FAM13A: variants seen among roughly 807,000 people sequenced by gnomAD.
The protein encoded by FAM13A is family with sequence similarity 13 member A, also known as protein FAM13A.
Under a neutral mutation model 129.6 loss-of-function variants are expected in FAM13A, and 76 were observed. The ratio of observed to expected loss-of-function variants is 0.59; its 90% CI spans 0.49 to 0.71. The LOEUF is 0.71. Among genes scored for constraint, FAM13A ranks in the 30% least tolerant of loss-of-function variants. The pLI is 0.00. For missense variants in FAM13A, 1,108 were observed against 1,249.3 expected (o/e 0.89, Z 1.70); for synonymous variants, 443 against 449.9 (o/e 0.98, Z 0.20).
intron 14 of FAM13A, chr4:88,753,656 T>C (rs1743080113): frequency 5.4e-6 from 5 of 933,938 alleles, no homozygotes; most frequent in Non-Finnish European, 6.4e-6. Flanking sequence ...TGTTATTCGA[T>C]AGTCTTATAA....
intron 7 of FAM13A, among the ~76,000 whole-genome samples, chr4:88,839,302 C>T (rs6841272): frequency 0.07 from 10,665 of 152,156 alleles, 530 homozygotes; most frequent in African/African-American, 0.14. Context: ...AGCCTGTTAG[C>T]TATTCCAGAT....
chr4:88,737,181 A>G, intron 21 of FAM13A, among the ~76,000 whole-genome samples: 1 of 152,238 alleles, frequency 6.6e-6, no homozygotes, highest in Non-Finnish European at 1.5e-5. Context: ...ACAAAACCAA[A>G]CAAAATAATC....
At chr4:88,887,784 T>G (rs1030884956) in intron 6 of FAM13A, among the ~76,000 whole-genome samples, 2 of 152,096 alleles carry the variant, frequency 1.3e-5, no homozygotes, top group Non-Finnish European at 2.9e-5. Context: ...CTGCTTGCCT[T>G]GGCCTCCCAA....
At chr4:88,781,655 A>G (rs1210946348) in intron 10 of FAM13A, among the ~76,000 whole-genome samples, 1 of 152,152 alleles carries the variant, frequency 6.6e-6, no homozygotes, top group Non-Finnish European at 1.5e-5. Context: ...GTTTATACAG[A>G]AATTTCCTAT....
chr4:88,878,917 G>A (rs1482409217), intron 6 of FAM13A, among the ~76,000 whole-genome samples: 1 of 152,176 alleles, frequency 6.6e-6, no homozygotes, highest in African/African-American at 2.4e-5. Flanking sequence ...TTGTAGGTAA[G>A]GTGTTAGATT....
chr4:88,920,815 C>T (rs539234079), intron 5 of FAM13A, among the ~76,000 whole-genome samples: 10 of 152,156 alleles, frequency 6.6e-5, no homozygotes, highest in Admixed American at 2.0e-4. Context: ...AAAATTTAGA[C>T]GAATGTATAA....
rs185791148 is a variant in FAM13A at position 88,838,347 on chromosome 4, A to G, written c.1007+12673T>C. Among the ~76,000 whole-genome samples, 1,176 of 152,172 alleles carry G rather than the reference A, an allele frequency of 7.7e-3. 10 individuals are homozygous for G. Among genetic ancestry groups the G allele is most frequent in the South Asian group, 0.053 (257 of 4,830 alleles). On this transcript the variant is annotated intron_variant, in intron 7 of 23. Transcript: ENST00000264344. ...TATGGAAAAGAAGTGCTAAAATAAA[A>G]GTGCCATGAACAAAAATCTTGAAGC...
At chr4:88,744,977 T>A (rs1350258309) in intron 19 of FAM13A, among the ~76,000 whole-genome samples, 1 of 152,162 alleles carries the variant, frequency 6.6e-6, no homozygotes, top group South Asian at 2.1e-4. Context: ...TTCTTAATGA[T>A]AAGAGAGCTA....
intron 6 of FAM13A, among the ~76,000 whole-genome samples, chr4:88,898,092 AT>A (rs1473898312): frequency 1.3e-5 from 2 of 152,188 alleles, no homozygotes; most frequent in Non-Finnish European, 1.5e-5. Flanking sequence ...CATAAATAAC[AT>A]GTTAGAAATG....
At chr4:88,872,743 A>G (rs973188926) in intron 6 of FAM13A, among the ~76,000 whole-genome samples, 2 of 152,208 alleles carry the variant, frequency 1.3e-5, no homozygotes, top group African/African-American at 4.8e-5. Context: ...ACAGAAGATT[A>G]AAAAGGATAT....
At chr4:88,913,084 A>G (rs1438595043) in intron 5 of FAM13A, among the ~76,000 whole-genome samples, 2 of 150,380 alleles carry the variant, frequency 1.3e-5, no homozygotes, top group Non-Finnish European at 3.0e-5. Flanking sequence ...AGGAGGAGGA[A>G]GAAGAAGAAG....
chr4:89,018,552 C>T (rs1766835274), intron 3 of FAM13A, among the ~76,000 whole-genome samples: 1 of 152,108 alleles, frequency 6.6e-6, no homozygotes, highest in Admixed American at 6.5e-5. Context: ...CCATTCTAAG[C>T]AAAAATGCTA....
chr4:88,959,000 C>T (rs1381878107), intron 4 of FAM13A, among the ~76,000 whole-genome samples: 1 of 152,210 alleles, frequency 6.6e-6, no homozygotes, highest in Non-Finnish European at 1.5e-5. Context: ...GACTGCCCTG[C>T]TGCATTTCAC....
intron 1 of FAM13A, among the ~76,000 whole-genome samples, chr4:89,037,471 A>G (rs375699680): frequency 4.0e-5 from 6 of 151,622 alleles, no homozygotes; most frequent in African/African-American, 1.4e-4. Context: ...ACTTGGTAAA[A>G]AAAACAACAA....
At chr4:88,839,500 G>A (rs1030598336) in intron 7 of FAM13A, among the ~76,000 whole-genome samples, 2 of 152,172 alleles carry the variant, frequency 1.3e-5, no homozygotes, top group African/African-American at 4.8e-5. Flanking sequence ...GTAAATTAGG[G>A]GTGTAAATTA....
intron 7 of FAM13A, among the ~76,000 whole-genome samples, chr4:88,818,802 A>G (rs1731315215): frequency 6.6e-6 from 1 of 152,172 alleles, no homozygotes; most frequent in African/African-American, 2.4e-5. Flanking sequence ...GGAAAAACAG[A>G]GACTTCTAGA....
chr4:88,874,055 A>G (rs1741929456), intron 6 of FAM13A, among the ~76,000 whole-genome samples: 1 of 152,218 alleles, frequency 6.6e-6, no homozygotes, highest in African/African-American at 2.4e-5. Flanking sequence ...TTATCTCAAT[A>G]GATGCAGAAA....
intron 4 of FAM13A, among the ~76,000 whole-genome samples, chr4:88,973,443 C>G (rs1032256106): frequency 3.9e-5 from 6 of 152,048 alleles, no homozygotes; most frequent in African/African-American, 1.2e-4. Flanking sequence ...ACTAATGAGC[C>G]CTTTAAATGC....
intron 6 of FAM13A, among the ~76,000 whole-genome samples, chr4:88,858,354 T>C (rs1192562821): frequency 1.3e-5 from 2 of 152,242 alleles, no homozygotes; most frequent in East Asian, 1.9e-4. Context: ...TAATCGTTTA[T>C]ACTGAGCAGT....
Sources: allele counts gnomAD v4.1 joint callset (sites outside exome capture counted in the v4.1 genomes callset), GRCh38; gene constraint gnomAD v4.1.1; transcripts MANE v1.5; gene names NCBI Gene and HGNC (gene_info 2026-07-23, HGNC 2026-07-21).